The following ZSWIM2 variants were observed in gnomAD, a reference collection of about 807,000 sequenced individuals.
ZSWIM2 encodes zinc finger SWIM-type containing 2.
ZSWIM2 carries 38 observed loss-of-function variants against 48.4 expected under a neutral mutation model. That is an observed-to-expected ratio of 0.79 (90% CI 0.61 to 1.03). The LOEUF is 1.03. Ranked by LOEUF, ZSWIM2 falls within the 50% of genes least tolerant of loss-of-function variation. The pLI, the probability that ZSWIM2 is intolerant of heterozygous loss-of-function variation, is 0.00. For synonymous variants in ZSWIM2, 240 were observed against 251.3 expected, an observed-to-expected ratio of 0.96 and a Z score of 0.42; for missense variants, 776 against 730.2, an observed-to-expected ratio of 1.06 and a Z score of -0.72.
chr2:186,846,890 A>C (rs1439823042), intron 2 of ZSWIM2, among the ~76,000 whole-genome samples: 5 of 151,576 alleles, frequency 3.3e-5, no homozygotes, highest in African/African-American at 1.2e-4. Context: ...CATGGATGGA[A>C]CTGGAGGCCA....
At chr2:186,839,260 C>A in intron 3 of ZSWIM2, 91 bp from the exon 4 acceptor site, 1 of 1,183,606 alleles carries the variant, frequency 8.4e-7, no homozygotes, top group South Asian at 1.5e-5. Flanking sequence ...AATTTTCTTT[C>A]AAATATCAGA....
chr2:186,828,399 T>C lies in ZSWIM2; in HGVS notation c.1487A>G (p.Tyr496Cys). 1 of 1,613,706 alleles carries C rather than the reference T, an allele frequency of 6.2e-7. No homozygotes were observed. Among genetic ancestry groups the C allele is most frequent in the Non-Finnish European group, 8.5e-7 (1 of 1,179,814 alleles). Residue 496 changes from tyrosine to cysteine, a missense_variant, in exon 9 of 9, where the codon TAT (tyrosine) becomes TGT (cysteine). By Grantham distance (194) the Tyr-to-Cys change is radical (BLOSUM62 -2). Coordinates refer to ENST00000295131, the MANE Select transcript of ZSWIM2 (RefSeq NM_182521.3). ...TGACACAGTGGGTAAATCTTGAAGA[T>C]ACCTGGGAAAATGTTGGCTAATTTT... ...DYKISQHFPR[Y>C]LQDLPTVSFG...
chr2:186,833,095 A>G (rs575659278), intron 7 of ZSWIM2, 25 bp downstream of exon 7: 2 of 1,079,326 alleles, frequency 1.9e-6, no homozygotes, highest in African/African-American at 3.3e-5. Context: ...CATACAACAA[A>G]TATAAAATTT....
At chr2:186,834,497 G>A (rs1691759794) in intron 5 of ZSWIM2, among the ~76,000 whole-genome samples, 3 of 152,066 alleles carry the variant, frequency 2.0e-5, no homozygotes, top group African/African-American at 7.2e-5. Flanking sequence ...TCATAGGAGT[G>A]TGAACCCTAT....
intron 5 of ZSWIM2, among the ~76,000 whole-genome samples, 172 bp from the exon 6 acceptor site, chr2:186,834,202 A>G (rs1336365246): frequency 6.6e-6 from 1 of 152,108 alleles, no homozygotes; most frequent in Non-Finnish European, 1.5e-5. Context: ...TTTACTACAA[A>G]CTTAACTTAA....
chr2:186,847,296 A>G (rs1692022257), intron 2 of ZSWIM2, among the ~76,000 whole-genome samples: 1 of 152,096 alleles, frequency 6.6e-6, no homozygotes, highest in Non-Finnish European at 1.5e-5. Flanking sequence ...GAACACTTTC[A>G]ACCTATGTAT....
At chr2:186,846,827 A>ATATATATATAT (rs57335605) in intron 2 of ZSWIM2, among the ~76,000 whole-genome samples, 3 of 142,522 alleles carry the variant, frequency 2.1e-5, no homozygotes, top group African/African-American at 5.2e-5. Flanking sequence ...ATATATATAT[A>ATATATATATAT]ATGTAATAGA....
intron 8 of ZSWIM2, among the ~76,000 whole-genome samples, chr2:186,829,099 A>G (rs550987349): frequency 7.7e-4 from 117 of 152,220 alleles, no homozygotes; most frequent in Middle Eastern, 7.0e-3. Context: ...AATTATTTTA[A>G]AAGTCATAAC....
At chr2:186,829,598 T>G in intron 8 of ZSWIM2, 129 bp downstream of exon 8, 1 of 801,998 alleles carries the variant, frequency 1.2e-6, no homozygotes, top group Non-Finnish European at 1.9e-6. Flanking sequence ...TCTTTCTATA[T>G]GTGCTGTGCA....
intron 5 of ZSWIM2, among the ~76,000 whole-genome samples, chr2:186,836,835 G>T (rs996764901): frequency 6.6e-6 from 1 of 152,068 alleles, no homozygotes; most frequent in African/African-American, 2.4e-5. Flanking sequence ...AACAAAACCT[G>T]TACTCATTGC....
At chr2:186,842,063 T>C (rs1420798901) in intron 3 of ZSWIM2, among the ~76,000 whole-genome samples, 1 of 151,170 alleles carries the variant, frequency 6.6e-6, no homozygotes, top group African/African-American at 2.4e-5. Context: ...TTTGTCGGTC[T>C]TTGAAAAGAG....
At chr2:186,843,702 A>T (rs535140934) in intron 3 of ZSWIM2, among the ~76,000 whole-genome samples, 1 of 151,600 alleles carries the variant, frequency 6.6e-6, no homozygotes, top group Admixed American at 6.6e-5. Context: ...TAAGATGCCC[A>T]TGGGACCTCC....
chr2:186,839,470 A>C (rs1317596448), intron 3 of ZSWIM2, among the ~76,000 whole-genome samples: 1 of 151,758 alleles, frequency 6.6e-6, no homozygotes, highest in African/African-American at 2.4e-5. Context: ...CATGTCTTAT[A>C]CTTCGACCTG....
chr2:186,829,960 C>G, intron 7 of ZSWIM2, 80 bp from the exon 8 acceptor site: 1 of 1,433,936 alleles, frequency 7.0e-7, no homozygotes, highest in Non-Finnish European at 9.6e-7. Context: ...GGTAAATAGT[C>G]TCTATATAAA....
At chr2:186,847,985 T>G (rs1174328313) in intron 1 of ZSWIM2, among the ~76,000 whole-genome samples, 190 bp from the exon 2 acceptor site, 2 of 152,172 alleles carry the variant, frequency 1.3e-5, no homozygotes, top group Non-Finnish European at 2.9e-5. Flanking sequence ...GTTAGCAAAT[T>G]AACAAATTAG....
intron 5 of ZSWIM2, among the ~76,000 whole-genome samples, chr2:186,835,102 C>T (rs1691771108): frequency 6.6e-6 from 1 of 152,072 alleles, no homozygotes; most frequent in Non-Finnish European, 1.5e-5. Flanking sequence ...GTGCTGCTTT[C>T]CAGTTGTTTC....
At chr2:186,834,373 AC>A (rs1263079665) in intron 5 of ZSWIM2, among the ~76,000 whole-genome samples, 1 of 152,040 alleles carries the variant, frequency 6.6e-6, no homozygotes. Context: ...GGGGTCCCCA[AC>A]CCCAGGCGCT....
Position 186,837,293 on chromosome 2 carries a change from G to A in ZSWIM2, c.743+13C>T, listed in dbSNP as rs141590781. ...AAAAGAACACATGCTTATAATTTAC[G>A]GATAACACTTACTTATAACACTTCC... On this transcript the variant is annotated intron_variant, in intron 5 of 8. Transcript: ENST00000295131. 17 of 1,609,886 alleles carry A rather than the reference G, an allele frequency of 1.1e-5. No individual in the cohort carries two copies. Among genetic ancestry groups the A allele is most frequent in the East Asian group, 2.2e-5 (1 of 44,790 alleles).
chr2:186,831,426 A>T (rs1260656092), intron 7 of ZSWIM2, among the ~76,000 whole-genome samples: 1 of 151,600 alleles, frequency 6.6e-6, no homozygotes, highest in Non-Finnish European at 1.5e-5. Context: ...TAATGAGAAC[A>T]AGCACATTTT....
Sources: gnomAD v4.1 joint callset for allele counts (sites outside exome capture counted in the v4.1 genomes callset) on GRCh38, gnomAD v4.1.1 for gene constraint, MANE v1.5 for transcripts, NCBI Gene and HGNC (gene_info 2026-07-23, HGNC 2026-07-21) for gene names.